Variants in COPS4 observed in about 807,000 individuals in gnomAD.
The protein encoded by COPS4 is COP9 signalosome complex subunit 4.
In COPS4, 8 loss-of-function variants were observed where a neutral mutation model predicts 55.1. The observed-to-expected ratio is 0.15, with a 90% CI of 0.09 to 0.26. The LOEUF (loss-of-function observed/expected upper bound fraction) is 0.26. COPS4 is among the 10% of genes least tolerant of loss of function. The pLI, the probability that COPS4 is intolerant of heterozygous loss-of-function variation, is 1.00. For synonymous variants in COPS4, 185 were observed against 165.7 expected, an observed-to-expected ratio of 1.12 and a Z score of -0.90; for missense variants, 248 against 484.0, an observed-to-expected ratio of 0.51 and a Z score of 4.58.
chr4:83,068,305 C>T, intron 8 of COPS4, 133 bp from the exon 9 acceptor site: 1 of 623,392 alleles, frequency 1.6e-6, no homozygotes, highest in South Asian at 1.9e-5. Flanking sequence ...AAGATTTACT[C>T]TTCTAGTGGC....
intron 6 of COPS4, among the ~76,000 whole-genome samples, chr4:83,057,857 G>A (rs902565116): frequency 6.7e-6 from 1 of 149,706 alleles, no homozygotes; most frequent in African/African-American, 2.5e-5. Flanking sequence ...AGGAGGTGGA[G>A]CTTGTAGTGA....
chr4:83,065,561 A>G (rs1731274141), intron 7 of COPS4, among the ~76,000 whole-genome samples: 1 of 152,230 alleles, frequency 6.6e-6, no homozygotes, highest in African/African-American at 2.4e-5. Context: ...TATAGTAGTT[A>G]AATGTTCAGC....
At chr4:83,068,407 A>G in intron 8 of COPS4, 31 bp from the exon 9 acceptor site, 1 of 1,435,950 alleles carries the variant, frequency 7.0e-7, no homozygotes, top group Non-Finnish European at 9.7e-7. Context: ...GATATGATAA[A>G]GTTTCTGAGA....
At chr4:83,064,241 G>A (rs1731241895) in intron 7 of COPS4, among the ~76,000 whole-genome samples, 1 of 152,168 alleles carries the variant, frequency 6.6e-6, no homozygotes, top group African/African-American at 2.4e-5. Context: ...GGAGGCTGAG[G>A]TAGGAGGATT....
At chr4:83,044,500 G>A (rs528213617) in intron 1 of COPS4, among the ~76,000 whole-genome samples, 5 of 150,536 alleles carry the variant, frequency 3.3e-5, no homozygotes, top group East Asian at 2.0e-4. Flanking sequence ...AGTATAGGCC[G>A]GGCACGGTGG....
chr4:83,045,036 A>G (rs1730670051), intron 1 of COPS4, among the ~76,000 whole-genome samples: 1 of 152,236 alleles, frequency 6.6e-6, no homozygotes, highest in Non-Finnish European at 1.5e-5. Context: ...CTGACAGCAT[A>G]AATGGTATTC....
chr4:83,039,507 G>C (rs903460690), intron 1 of COPS4, among the ~76,000 whole-genome samples: 17 of 152,200 alleles, frequency 1.1e-4, no homozygotes, highest in Non-Finnish European at 8.8e-5. Flanking sequence ...TGGGTACTGG[G>C]AGTGAAATTA....
chr4:83,046,321 A>G (rs1263594917), intron 2 of COPS4, among the ~76,000 whole-genome samples: 1 of 152,200 alleles, frequency 6.6e-6, no homozygotes, highest in Non-Finnish European at 1.5e-5. Flanking sequence ...TGAAATGCTT[A>G]TACACTGTTG....
At chr4:83,063,275 T>TC in intron 7 of COPS4, 29 bp downstream of exon 7, 1 of 1,559,626 alleles carries the variant, frequency 6.4e-7, no homozygotes, top group Non-Finnish European at 8.7e-7. Flanking sequence ...GTGTATATGG[T>TC]AGTCAATGTT....
chr4:83,037,901 A>G (rs1300109251), intron 1 of COPS4, among the ~76,000 whole-genome samples: 1 of 152,216 alleles, frequency 6.6e-6, no homozygotes, highest in Non-Finnish European at 1.5e-5. Flanking sequence ...TAAAAAGCTC[A>G]TTTTAAACCT....
At chr4:83,052,092 T>C (rs894110620) in intron 4 of COPS4, among the ~76,000 whole-genome samples, 5 of 152,142 alleles carry the variant, frequency 3.3e-5, no homozygotes, top group African/African-American at 1.2e-4. Context: ...TGTGAAATGA[T>C]AGTGAAAGCC....
chr4:83,052,504 C>T (rs1180412594), intron 4 of COPS4, among the ~76,000 whole-genome samples: 3 of 152,134 alleles, frequency 2.0e-5, no homozygotes, highest in African/African-American at 7.2e-5. Context: ...GCCAATAGTA[C>T]TGCTGTTCCT....
intron 7 of COPS4, among the ~76,000 whole-genome samples, chr4:83,064,487 T>G (rs556612083): frequency 1.8e-4 from 28 of 152,350 alleles, no homozygotes; most frequent in Admixed American, 5.9e-4. Context: ...TGAAACTCTG[T>G]ACCTATTAAA....
rs375741322 is a variant in COPS4, at chr4:83,057,260, A to G, written c.567A>G (p.Val189=). 10 of 1,591,752 alleles carry G rather than the reference A, an allele frequency of 6.3e-6. No homozygotes were observed. The highest frequency in any genetic ancestry group is 8.6e-6 in the Non-Finnish European group (10 of 1,169,562). The change falls in exon 6 of 10, where the codon GTA becomes GTG. Residue 189 remains valine (V), a splice_region_variant and synonymous_variant. Coordinates refer to ENST00000264389, the MANE Select transcript of COPS4 (RefSeq NM_016129.3). The part of the protein sequence containing the change: ...TNEQLQIHYK[V]CYARVLDYRR... ...TTGAAATATTTTCCCTCTGTTAGGTATGCTATGCACGTGTTCTTGATTATA... is the reference window on the plus strand; with the variant it reads ...TTGAAATATTTTCCCTCTGTTAGGTGTGCTATGCACGTGTTCTTGATTATA...
chr4:83,038,895 G>A (rs1292246912), intron 1 of COPS4, among the ~76,000 whole-genome samples: 1 of 151,966 alleles, frequency 6.6e-6, no homozygotes, highest in Non-Finnish European at 1.5e-5. Flanking sequence ...CACCTGCCTT[G>A]GCCTCCCAAA....
chr4:83,065,511 C>G (rs7689556), intron 7 of COPS4, among the ~76,000 whole-genome samples: 28,309 of 152,110 alleles, frequency 0.19, 2,821 homozygotes, highest in South Asian at 0.31. Context: ...CAGAATACTT[C>G]CCTTGAAGTC....
intron 1 of COPS4, 110 bp downstream of exon 1, chr4:83,035,408 A>G: frequency 1.1e-6 from 1 of 907,670 alleles, no homozygotes; most frequent in Non-Finnish European, 1.6e-6. Flanking sequence ...AGCCGGCCTG[A>G]CGTCCAAGGG....
chr4:83,054,309 T>C (rs1354831040), intron 4 of COPS4, among the ~76,000 whole-genome samples: 9 of 152,138 alleles, frequency 5.9e-5, no homozygotes, highest in African/African-American at 2.2e-4. Flanking sequence ...ACCACTGCAC[T>C]CCAGCCAGGG....
chr4:83,055,753 A>T (rs1404176753), intron 4 of COPS4, among the ~76,000 whole-genome samples: 3 of 151,908 alleles, frequency 2.0e-5, no homozygotes, highest in Middle Eastern at 3.2e-3. Flanking sequence ...GTATTCTACC[A>T]TTTTTATGCA....
Sources: gnomAD v4.1 joint callset for allele counts (sites outside exome capture counted in the v4.1 genomes callset) on GRCh38, gnomAD v4.1.1 for gene constraint, MANE v1.5 for transcripts, NCBI Gene and HGNC (gene_info 2026-07-23, HGNC 2026-07-21) for gene names.